RNF182: variants seen among roughly 807,000 people sequenced by gnomAD.
The protein encoded by RNF182 is E3 ubiquitin-protein ligase RNF182.
RNF182 carries 15 observed loss-of-function variants against 14.4 expected under a neutral mutation model. The ratio of observed to expected loss-of-function variants is 1.04; its 90% CI spans 0.70 to 1.60. RNF182 has a LOEUF of 1.60. Among genes scored for constraint, RNF182 ranks in the 40% most tolerant of loss-of-function variants. The pLI is 0.00. For synonymous variants in RNF182, 128 were observed against 122.9 expected, an observed-to-expected ratio of 1.04 and a Z score of -0.27; for missense variants, 268 against 294.8, an observed-to-expected ratio of 0.91 and a Z score of 0.67.
At chr6:13,926,688 G>C (rs966956176) in intron 1 of RNF182, among the ~76,000 whole-genome samples, 21 of 152,102 alleles carry the variant, frequency 1.4e-4, no homozygotes, top group African/African-American at 5.1e-4. Flanking sequence ...AGCATGAACA[G>C]CAAATAGGAT....
chr6:13,940,326 AGTTTTG>A (rs1759262254), intron 1 of RNF182, among the ~76,000 whole-genome samples: 1 of 152,200 alleles, frequency 6.6e-6, no homozygotes, highest in Non-Finnish European at 1.5e-5. Flanking sequence ...ATGTTAGAAC[AGTTTTG>A]CATTTCTATA....
In RNF182 at chr6:13,978,943, T is replaced by C. The variant is rs2113657423; in HGVS notation, c.*1080T>C. On this transcript the variant is annotated 3_prime_UTR_variant, in exon 3 of 3. Coordinates refer to ENST00000488300, the MANE Select transcript of RNF182 (RefSeq NM_152737.4). ...TACGGTACTGAGCTGTACCAAAATA[T>C]GATGGTTTAGGTTTATGTGCAAGAC... 1 of 166,984 alleles carries C rather than the reference T, an allele frequency of 6.0e-6. No individual in the cohort carries two copies. The highest frequency in any genetic ancestry group is 3.1e-3 in the Middle Eastern group (1 of 318). The allele number at this position is 166,984 out of a possible 1,614,324, so 10.3% of individuals were successfully genotyped here.
intron 1 of RNF182, among the ~76,000 whole-genome samples, chr6:13,934,409 T>C (rs1008807913): frequency 6.6e-5 from 10 of 152,240 alleles, no homozygotes; most frequent in Non-Finnish European, 1.5e-4. Context: ...TCGCTCACAG[T>C]TACGTTAGTT....
Position 13,949,068 on chromosome 6 carries a change from C to A in RNF182, c.-367+24045C>A, listed in dbSNP as rs549122287. ...TAAGATTTTCACAAACCTTTTATAA[C>A]CCTTTAAATTTTTTGTTGATGGCAA... On this transcript the variant is annotated intron_variant, in intron 1 of 2. Coordinates refer to ENST00000488300, the MANE Select transcript of RNF182 (RefSeq NM_152737.4). 5.8e-5 allele frequency: 40 copies of A among 687,734 alleles called. 1 individual carries two copies. In the East Asian group the frequency reaches 6.9e-4, roughly 12 times the overall value. The allele number at this position is 687,734 out of a possible 1,614,324, so 42.6% of individuals were successfully genotyped here.
At chr6:13,960,692 T>C (rs3040808) in intron 1 of RNF182, among the ~76,000 whole-genome samples, 84,902 of 137,622 alleles carry the variant, frequency 0.62, 24,154 homozygotes, top group East Asian at 0.74. Flanking sequence ...TGTGTGTGTG[T>C]GCGCGCGTGC....
intron 1 of RNF182, among the ~76,000 whole-genome samples, chr6:13,929,470 TTCTC>T (rs1758912464): frequency 6.6e-6 from 1 of 152,222 alleles, no homozygotes; most frequent in Non-Finnish European, 1.5e-5. Context: ...CTGTGTGGTC[TTCTC>T]TGGCCTTTTT....
intron 1 of RNF182, among the ~76,000 whole-genome samples, chr6:13,952,836 A>T (rs189409828): frequency 3.3e-5 from 5 of 152,338 alleles, no homozygotes; most frequent in Non-Finnish European, 7.4e-5. Context: ...GGAGGAACAC[A>T]TCTGTCTTAG....
intron 1 of RNF182, among the ~76,000 whole-genome samples, chr6:13,930,765 G>A (rs576427840): frequency 6.6e-6 from 1 of 152,218 alleles, no homozygotes; most frequent in African/African-American, 2.4e-5. Context: ...TGCCAGGTAC[G>A]CTATTAAGTA....
chr6:13,947,719 A>G (rs1448646908), intron 1 of RNF182, among the ~76,000 whole-genome samples: 1 of 152,208 alleles, frequency 6.6e-6, no homozygotes, highest in African/African-American at 2.4e-5. Context: ...ACAAGGCTCA[A>G]GATATGAGGT....
At chr6:13,960,701 G>A (rs1298084186) in intron 1 of RNF182, among the ~76,000 whole-genome samples, 2 of 151,024 alleles carry the variant, frequency 1.3e-5, no homozygotes, top group Non-Finnish European at 3.0e-5. Context: ...GTGCGCGCGT[G>A]CACATGCATG....
At chr6:13,961,340 A>G (rs1759878424) in intron 1 of RNF182, 1 of 152,204 alleles carries the variant, frequency 6.6e-6, no homozygotes, top group Non-Finnish European at 1.5e-5. Flanking sequence ...TATGTAAAGT[A>G]TTTACACCTA....
At position 13,977,043 on chromosome 6, in the gene RNF182, A is replaced by G; in HGVS notation, c.-77A>G. The G allele has an allele frequency of 7.0e-7, 1 of 1,428,848 alleles. No individual in the cohort carries two copies. The highest frequency in any genetic ancestry group is 9.5e-7 in the Non-Finnish European group (1 of 1,050,092). The allele number at this position is 1,428,848 out of a possible 1,614,324, so 88.5% of individuals were successfully genotyped here. A position where few individuals can be genotyped will look rare whatever the true frequency, so the allele number is the denominator to read the frequency against. ...ATCGCTGCCAGATTTGGATGATATG[A>G]TATTCAGAGGGGCACCTTAATCAAA... On this transcript the variant is annotated 5_prime_UTR_variant, in exon 3 of 3. An upstream open reading frame in the 5' UTR loses its in-frame stop. Transcript: ENST00000488300.
Position 13,969,105 on chromosome 6 carries a change from T to TTTGTTGTTG in RNF182, c.-366-5084_-366-5076dup, listed in dbSNP as rs57502789. Among the ~76,000 whole-genome samples the TTTGTTGTTG allele has an allele frequency of 5.3e-5, 8 of 151,170 alleles. No individual in the cohort carries two copies. The East Asian group carries it at 5.8e-4, about 11-fold the overall frequency. On this transcript the variant is annotated intron_variant, in intron 1 of 2. Transcript: ENST00000488300. ...GGTCTCATCAGGCTTGTCTCTGTTT[T>TTTGTTGTTG]TTGTTGTTGTTGTTGTTGTTGTTGT...
chr6:13,974,944 C>A lies in RNF182; in HGVS notation c.-212+580C>A, dbSNP rs142104944. Among the ~76,000 whole-genome samples, 360 of 152,350 alleles carry A rather than the reference C, an allele frequency of 2.4e-3. 2 individuals carry two copies. Among genetic ancestry groups the A allele is most frequent in the Non-Finnish European group, 3.0e-3 (202 of 68,034 alleles). On this transcript the variant is annotated intron_variant, in intron 2 of 2. Coordinates refer to ENST00000488300, the MANE Select transcript of RNF182 (RefSeq NM_152737.4). ...CCTACTGGGACCATCAGCTTCCTAA[C>A]CTCTGGATTCAGGAGAGCATTACAT...
intron 1 of RNF182, among the ~76,000 whole-genome samples, chr6:13,928,296 T>C (rs1758879849): frequency 6.6e-6 from 1 of 152,196 alleles, no homozygotes; most frequent in Non-Finnish European, 1.5e-5. Context: ...TGGAGTATGG[T>C]TTTGGACATC....
intron 1 of RNF182, among the ~76,000 whole-genome samples, chr6:13,952,546 T>C (rs1759621008): frequency 1.3e-5 from 2 of 152,272 alleles, no homozygotes; most frequent in African/African-American, 4.8e-5. Context: ...GGATGAAATG[T>C]ATCCTACGGT....
At chr6:13,956,433 T>G (rs1443300380) in intron 1 of RNF182, among the ~76,000 whole-genome samples, 3 of 152,002 alleles carry the variant, frequency 2.0e-5, no homozygotes, top group African/African-American at 7.3e-5. Flanking sequence ...CAATTGATTC[T>G]CCTGCCTCAG....
At position 13,949,239 on chromosome 6, in the gene RNF182, A is replaced by G. The variant is rs145936212; in HGVS notation, c.-367+24216A>G. ...GCATTGTCCACTGGACGTTTTAGTC[A>G]TATTCAGACACCAGTTGTTTCCTCT... On this transcript the variant is annotated intron_variant, in intron 1 of 2. Coordinates refer to ENST00000488300, the MANE Select transcript of RNF182 (RefSeq NM_152737.4). 1,736 of 788,260 alleles carry G rather than the reference A, an allele frequency of 2.2e-3. 28 individuals are homozygous for G. In the African/African-American group the frequency reaches 0.024, roughly 11 times the overall value. The allele number at this position is 788,260 out of a possible 1,614,324, so 48.8% of individuals were successfully genotyped here.
At chr6:13,949,105 C>G in intron 1 of RNF182, 1 of 745,742 alleles carries the variant, frequency 1.3e-6, no homozygotes, top group East Asian at 2.5e-5. Context: ...ATGGCTGCCA[C>G]TGCCTTTGCC....
Sources: gnomAD v4.1 joint callset for allele counts (sites outside exome capture counted in the v4.1 genomes callset) on GRCh38, gnomAD v4.1.1 for gene constraint, MANE v1.5 for transcripts, NCBI Gene and HGNC (gene_info 2026-07-23, HGNC 2026-07-21) for gene names.